The following EBF2 variants were observed in gnomAD, a reference collection of about 807,000 sequenced individuals.
EBF2 encodes the protein transcription factor COE2.
EBF2 carries 21 observed loss-of-function variants against 72.8 expected under a neutral mutation model. The ratio of observed to expected loss-of-function variants is 0.29; its 90% CI spans 0.20 to 0.42. The LOEUF (loss-of-function observed/expected upper bound fraction) is 0.42. Among genes scored for constraint, EBF2 ranks in the 10% least tolerant of loss-of-function variants. EBF2 has a pLI of 1.00. For synonymous variants in EBF2, 299 were observed against 274.2 expected (o/e 1.09, Z -0.89); for missense variants, 637 against 731.2 (o/e 0.87, Z 1.49).
chr8:26,027,162 A>C (rs1001930154), intron 6 of EBF2, among the ~76,000 whole-genome samples: 1 of 152,084 alleles, frequency 6.6e-6, no homozygotes, highest in African/African-American at 2.4e-5. Context: ...TCCAACTACT[A>C]CCCAAATTCT....
chr8:26,004,673 C>CAAA (rs56848916), intron 6 of EBF2, among the ~76,000 whole-genome samples: 2 of 45,458 alleles, frequency 4.4e-5, no homozygotes, highest in Non-Finnish European at 7.4e-5. Context: ...AGACTGTCTC[C>CAAA]AAAAAAAAAA....
intron 6 of EBF2, among the ~76,000 whole-genome samples, chr8:26,008,840 C>CAAAAAAAAAAA (rs61069458): frequency 8.7e-6 from 1 of 114,598 alleles, no homozygotes; most frequent in Non-Finnish European, 1.8e-5. Flanking sequence ...ATCAACCTCT[C>CAAAAAAAAAAA]AAAAAAAAAA....
At chr8:25,869,005 A>G (rs1802383657) in intron 10 of EBF2, among the ~76,000 whole-genome samples, 2 of 152,028 alleles carry the variant, frequency 1.3e-5, no homozygotes, top group Admixed American at 1.3e-4. Context: ...ACTAATTTTC[A>G]TGTTTCCACT....
chr8:25,881,435 G>A (rs1333172480), intron 10 of EBF2, among the ~76,000 whole-genome samples: 1 of 152,168 alleles, frequency 6.6e-6, no homozygotes, highest in African/African-American at 2.4e-5. Context: ...AATTCCCCTG[G>A]CATATGTTCC....
intron 6 of EBF2, among the ~76,000 whole-genome samples, chr8:26,005,559 T>G (rs374538971): frequency 0.44 from 24,424 of 55,314 alleles, 5,015 homozygotes; most frequent in Non-Finnish European, 0.51. Context: ...TATATATATA[T>G]ATAGAGAGAG....
At chr8:25,980,625 C>T (rs995074896) in intron 6 of EBF2, among the ~76,000 whole-genome samples, 1 of 151,834 alleles carries the variant, frequency 6.6e-6, no homozygotes, top group Admixed American at 6.6e-5. Context: ...AATTATACAC[C>T]TCATGGGAAG....
At chr8:25,960,875 C>T (rs1270913089) in intron 6 of EBF2, among the ~76,000 whole-genome samples, 3 of 152,148 alleles carry the variant, frequency 2.0e-5, no homozygotes, top group East Asian at 3.9e-4. Flanking sequence ...TTCAATTCCC[C>T]TGTGTTAGAC....
At position 25,978,199 on chromosome 8, in the gene EBF2, G is replaced by A. The variant is rs148257927; in HGVS notation, c.551+54886C>T. ...CCCAAAAGGAAGAAGAAAGAATCAC[G>A]CAAACCCCAGATTCAAAATGGAGAG... is the stretch of plus-strand genomic sequence containing the variant. On this transcript the variant is annotated intron_variant, in intron 6 of 15. Transcript: ENST00000520164. 3.1e-3 allele frequency among the ~76,000 whole-genome samples: 469 copies of A among 152,274 alleles called. 4 individuals carry two copies. Among genetic ancestry groups the A allele is most frequent in the African/African-American group, 0.011 (447 of 41,564 alleles).
chr8:25,939,798 T>C (rs182926446), intron 6 of EBF2, among the ~76,000 whole-genome samples: 2 of 152,320 alleles, frequency 1.3e-5, no homozygotes, highest in African/African-American at 4.8e-5. Context: ...TGATTACTGA[T>C]TGCTTTGGAG....
chr8:25,913,791 A>G (rs1405852100), intron 6 of EBF2, among the ~76,000 whole-genome samples: 2 of 152,152 alleles, frequency 1.3e-5, no homozygotes, highest in Non-Finnish European at 2.9e-5. Flanking sequence ...GGCCTCACAG[A>G]CCACATAGGG....
At chr8:26,011,082 G>A (rs1406723257) in intron 6 of EBF2, among the ~76,000 whole-genome samples, 1 of 152,072 alleles carries the variant, frequency 6.6e-6, no homozygotes, top group Non-Finnish European at 1.5e-5. Flanking sequence ...CGGACTCTAA[G>A]CAATAGCTCA....
chr8:25,959,615 G>A (rs1804004874), intron 6 of EBF2, among the ~76,000 whole-genome samples: 1 of 152,126 alleles, frequency 6.6e-6, no homozygotes, highest in Non-Finnish European at 1.5e-5. Context: ...TTTTGATTTG[G>A]GTTTTCTTTT....
chr8:25,937,312 C>A (rs540513631), intron 6 of EBF2, among the ~76,000 whole-genome samples: 2 of 152,272 alleles, frequency 1.3e-5, no homozygotes, highest in African/African-American at 4.8e-5. Context: ...TCTCTACCAT[C>A]CAAAAATGTC....
At position 26,000,137 on chromosome 8, in the gene EBF2, T is replaced by A. The variant is rs953940577; in HGVS notation, c.551+32948A>T. On this transcript the variant is annotated intron_variant, in intron 6 of 15. Transcript: ENST00000520164. ...TTACAGTCGAATGAGAATCTGGCATTTGAGTCCTTACTCCCAAATCCTCCT... is the reference window on the plus strand; with the variant it reads ...TTACAGTCGAATGAGAATCTGGCATATGAGTCCTTACTCCCAAATCCTCCT... Among the ~76,000 whole-genome samples the A allele has an allele frequency of 2.0e-5, 3 of 152,146 alleles. 1 individual carries two copies. The highest frequency in any genetic ancestry group is 2.0e-4 in the Admixed American group (3 of 15,266).
chr8:26,022,640 T>C (rs546959757), intron 6 of EBF2, among the ~76,000 whole-genome samples: 29 of 152,328 alleles, frequency 1.9e-4, no homozygotes, highest in African/African-American at 6.0e-4. Context: ...TCTCCCCTTA[T>C]TTCCCTCTCA....
intron 13 of EBF2, among the ~76,000 whole-genome samples, chr8:25,860,254 T>G (rs1490338705): frequency 1.3e-5 from 2 of 152,178 alleles, no homozygotes; most frequent in Non-Finnish European, 2.9e-5. Flanking sequence ...ATTTGTTTGT[T>G]GTTATATATA....
chr8:25,857,997 A>G (rs1395133668), intron 14 of EBF2: 3 of 448,018 alleles, frequency 6.7e-6, no homozygotes, highest in Non-Finnish European at 1.3e-5. Context: ...TACATCTGAA[A>G]GTGCCTAAGA....
Position 25,850,685 on chromosome 8 carries a change from A to G in EBF2, c.1605T>C (p.Ala535=). The change falls in exon 15 of 16, where the codon GCT becomes GCC. Residue 535 remains alanine (A), a synonymous_variant. Transcript: ENST00000520164. ...GGGCAAAGGCACTCTTCTGTTTGAC[A>G]GCAGGAAAAACTGAAGAGGAAAATG... ...ILPFSSSVFP[A]VKQKSAFAPV... 1 of 1,564,264 alleles carries G rather than the reference A, an allele frequency of 6.4e-7. No homozygotes were observed. Among genetic ancestry groups the G allele is most frequent in the Non-Finnish European group, 8.6e-7 (1 of 1,163,640 alleles).
chr8:25,921,646 A>G (rs1396664338), intron 6 of EBF2, among the ~76,000 whole-genome samples: 2 of 152,230 alleles, frequency 1.3e-5, no homozygotes, highest in Non-Finnish European at 2.9e-5. Flanking sequence ...TCTTTTAAAT[A>G]TACCACAAGA....
Sources: allele counts gnomAD v4.1 joint callset (sites outside exome capture counted in the v4.1 genomes callset), GRCh38; gene constraint gnomAD v4.1.1; transcripts MANE v1.5; gene names NCBI Gene and HGNC (gene_info 2026-07-23, HGNC 2026-07-21).